HIVEP3: variants seen among roughly 807,000 people sequenced by gnomAD.
HIVEP3 encodes HIVEP zinc finger 3.
In HIVEP3, 49 loss-of-function variants were observed where a neutral mutation model predicts 152.8. That is an observed-to-expected ratio of 0.32 (90% CI 0.26 to 0.41). The LOEUF (loss-of-function observed/expected upper bound fraction) is 0.41. Among genes scored for constraint, HIVEP3 ranks in the 10% least tolerant of loss-of-function variants. HIVEP3 has a pLI of 1.00. For synonymous variants in HIVEP3, 1,269 were observed against 1,289.0 expected (o/e 0.98, Z 0.33); for missense variants, 2,790 against 3,103.3 (o/e 0.90, Z 2.40).
intron 1 of HIVEP3, among the ~76,000 whole-genome samples, chr1:41,763,415 T>C (rs1206900785): frequency 6.6e-6 from 1 of 152,032 alleles, no homozygotes; most frequent in Non-Finnish European, 1.5e-5. Flanking sequence ...ATCCAGGGAG[T>C]GCTCGTCCTC....
chr1:41,706,205 C>T (rs1485932982), intron 1 of HIVEP3, among the ~76,000 whole-genome samples: 1 of 152,154 alleles, frequency 6.6e-6, no homozygotes, highest in African/African-American at 2.4e-5. Context: ...CAACCCTTAC[C>T]CCCTTTCCTC....
intron 1 of HIVEP3, among the ~76,000 whole-genome samples, chr1:41,898,131 G>A (rs967870592): frequency 6.6e-6 from 1 of 152,160 alleles, no homozygotes; most frequent in African/African-American, 2.4e-5. Flanking sequence ...CCTGGGGGCA[G>A]GAAATATTGG....
chr1:41,746,666 A>G (rs1647076808), intron 1 of HIVEP3, among the ~76,000 whole-genome samples: 1 of 152,118 alleles, frequency 6.6e-6, no homozygotes, highest in Non-Finnish European at 1.5e-5. Context: ...GCATGGGGCA[A>G]TGGCACTTAG....
At chr1:41,883,665 G>A (rs1644297444) in intron 1 of HIVEP3, among the ~76,000 whole-genome samples, 2 of 152,204 alleles carry the variant, frequency 1.3e-5, no homozygotes, top group Admixed American at 1.3e-4. Flanking sequence ...CTCAATGCCT[G>A]TCAGAGGCAG....
chr1:41,572,453 C>T (rs4660197), intron 5 of HIVEP3, among the ~76,000 whole-genome samples: 63,448 of 152,058 alleles, frequency 0.42, 13,319 homozygotes, highest in East Asian at 0.52. Flanking sequence ...CCACCCACTC[C>T]GGGAAGCCCT....
At chr1:41,959,674 C>A (rs1557539734) in intron 1 of HIVEP3, among the ~76,000 whole-genome samples, 1 of 152,176 alleles carries the variant, frequency 6.6e-6, no homozygotes, top group Non-Finnish European at 1.5e-5. Flanking sequence ...AAACAGAATG[C>A]ATAGGTCTGG....
chr1:41,672,467 C>T (rs1286305913), intron 2 of HIVEP3, among the ~76,000 whole-genome samples: 1 of 152,226 alleles, frequency 6.6e-6, no homozygotes, highest in East Asian at 1.9e-4. Flanking sequence ...CTCTGCAGTC[C>T]CACGTGCCTC....
At chr1:41,699,958 C>T (rs12134005) in intron 2 of HIVEP3, among the ~76,000 whole-genome samples, 13,460 of 152,052 alleles carry the variant, frequency 0.089, 692 homozygotes, top group East Asian at 0.16. Flanking sequence ...CCTCTTGGGC[C>T]CTGCATCCCA....
intron 1 of HIVEP3, among the ~76,000 whole-genome samples, chr1:41,726,131 C>T (rs1034685815): frequency 6.6e-6 from 1 of 152,210 alleles, no homozygotes; most frequent in Admixed American, 6.5e-5. Flanking sequence ...TTTTGATGAG[C>T]AGTTTTCATA....
At chr1:41,522,897 C>T (rs1260952413) in intron 6 of HIVEP3, among the ~76,000 whole-genome samples, 1 of 152,200 alleles carries the variant, frequency 6.6e-6, no homozygotes, top group Non-Finnish European at 1.5e-5. Flanking sequence ...GTGTGGTCCC[C>T]TGGACACAGG....
intron 1 of HIVEP3, among the ~76,000 whole-genome samples, chr1:41,726,468 G>A (rs1452332072): frequency 1.3e-5 from 2 of 152,204 alleles, no homozygotes; most frequent in Admixed American, 6.5e-5. Context: ...AGTGGGTGAC[G>A]TTTACACACC....
chr1:42,008,213 C>T (rs1017356388), intron 1 of HIVEP3, among the ~76,000 whole-genome samples: 2 of 152,196 alleles, frequency 1.3e-5, no homozygotes, highest in African/African-American at 4.8e-5. Context: ...CACATGAAAT[C>T]TGTGCCACTT....
intron 1 of HIVEP3, among the ~76,000 whole-genome samples, chr1:41,976,835 A>T (rs1251849831): frequency 2.0e-5 from 3 of 152,198 alleles, no homozygotes; most frequent in African/African-American, 7.2e-5. Flanking sequence ...CCACAAGCCG[A>T]GGAATCCGCA....
chr1:41,830,425 T>C (rs1642926417), intron 1 of HIVEP3, among the ~76,000 whole-genome samples: 1 of 152,204 alleles, frequency 6.6e-6, no homozygotes, highest in Non-Finnish European at 1.5e-5. Context: ...TGACAGGCTA[T>C]GGTGGATGCT....
intron 2 of HIVEP3, among the ~76,000 whole-genome samples, chr1:41,653,603 G>A (rs1230616403): frequency 1.3e-5 from 2 of 152,198 alleles, no homozygotes; most frequent in Non-Finnish European, 2.9e-5. Flanking sequence ...TTAAAAAACA[G>A]ATGGGTTCTA....
Position 41,581,926 on chromosome 1 carries a change from C to G in HIVEP3, c.2872G>C (p.Glu958Gln). The change falls in exon 4 of 9, where the codon GAG (glutamate) becomes CAG (glutamine). Residue 958 changes from glutamate to glutamine, a missense_variant. Transcript: ENST00000372583. The surrounding 1 kb of genome is among the most constrained non-coding windows in gnomAD (Gnocchi z 4.5). ...ATGTCAGATGAGGGACTGGGGGCCT[C>G]GGCTTTCCCATGGTCATCCCTCTCA... The part of the protein sequence containing the change: ...SFERDDHGKA[E>Q]APSPSSDMRP... 6.2e-7 allele frequency: 1 copy of G among 1,614,122 alleles called. No individual in the cohort carries two copies.
rs78769509 is a variant in HIVEP3 at position 41,769,651 on chromosome 1, C to T, written c.-800-68656G>A. Among the ~76,000 whole-genome samples, 801 of 152,276 alleles carry T rather than the reference C, an allele frequency of 5.3e-3. 3 individuals carry two copies. The highest frequency in any genetic ancestry group is 0.016 in the African/African-American group (685 of 41,550). On this transcript the variant is annotated intron_variant, in intron 1 of 8. Coordinates refer to ENST00000372583, the MANE Select transcript of HIVEP3 (RefSeq NM_024503.5). ...GAAGTAAAAAGGATAAAACCTCTAA[C>T]CTGAAAAAGCTTCCAATGATCAAAA...
chr1:41,979,060 C>T (rs2124508897), intron 1 of HIVEP3, among the ~76,000 whole-genome samples: 1 of 152,292 alleles, frequency 6.6e-6, no homozygotes, highest in Non-Finnish European at 1.5e-5. Context: ...AGGTTCTCAG[C>T]ACAGGGCACC....
chr1:41,940,085 A>G (rs2124484739), intron 1 of HIVEP3, among the ~76,000 whole-genome samples: 1 of 152,328 alleles, frequency 6.6e-6, no homozygotes, highest in Non-Finnish European at 1.5e-5. Context: ...GATACCTCAC[A>G]TTAATGTAAA....
Sources: allele counts gnomAD v4.1 joint callset (sites outside exome capture counted in the v4.1 genomes callset), GRCh38; gene constraint gnomAD v4.1.1; non-coding constraint Gnocchi (gnomAD v3.1); transcripts MANE v1.5; gene names NCBI Gene and HGNC (gene_info 2026-07-23, HGNC 2026-07-21).